Variants in MID2 observed in about 807,000 individuals in gnomAD.
MID2 encodes the protein midline 2, also known as probable E3 ubiquitin-protein ligase MID2.
A neutral mutation model predicts 46.1 loss-of-function variants in MID2; 13 were observed. That is an observed-to-expected ratio of 0.28 (90% confidence interval 0.18 to 0.45). MID2 has a LOEUF of 0.45. MID2 is among the 20% of genes least tolerant of loss of function. The pLI, the probability that MID2 is intolerant of heterozygous loss-of-function variation, is 1.00. For missense variants in MID2, 431 were observed against 575.4 expected (o/e 0.75, Z 2.57); for synonymous variants, 199 against 212.3 (o/e 0.94, Z 0.55).
chrX:107,886,183 A>G (rs1185048474), intron 3 of MID2, among the ~76,000 whole-genome samples: 1 of 112,016 alleles, frequency 8.9e-6, no homozygotes, highest in Non-Finnish European at 1.9e-5. Context: ...TGTTTTAGAC[A>G]TGAAGTCCTT....
At chrX:107,870,727 A>G in intron 3 of MID2, among the ~76,000 whole-genome samples, 1 of 106,530 alleles carries the variant, frequency 9.4e-6, no homozygotes, top group Middle Eastern at 4.8e-3. Context: ...CACGCCATGG[A>G]AATCAGCAAG....
chrX:107,922,990 A>G (rs1341498415), intron 7 of MID2, among the ~76,000 whole-genome samples: 1 of 111,735 alleles, frequency 8.9e-6, no homozygotes, highest in Non-Finnish European at 1.9e-5. Context: ...CTTTTAATCC[A>G]TATTGTCTTT....
intron 3 of MID2, among the ~76,000 whole-genome samples, chrX:107,891,097 C>T (rs746112124): frequency 1.2e-4 from 13 of 109,748 alleles, no homozygotes; most frequent in East Asian, 8.7e-4. Context: ...CTTCGGCTCA[C>T]GCTCGGTGCG....
intron 3 of MID2, among the ~76,000 whole-genome samples, chrX:107,878,808 C>T (rs1335517016): frequency 8.9e-6 from 1 of 112,407 alleles, no homozygotes; most frequent in Non-Finnish European, 1.9e-5. Flanking sequence ...AGTCTGAGGA[C>T]AAGAAAAGAC....
chrX:107,830,294 G>T (rs1931062278), intron 1 of MID2, among the ~76,000 whole-genome samples: 1 of 112,143 alleles, frequency 8.9e-6, no homozygotes, highest in African/African-American at 3.2e-5. Flanking sequence ...GGAAATACCT[G>T]CTTGGTCTTG....
chrX:107,840,844 C>G lies in MID2; in HGVS notation c.179C>G (p.Ser60Ter). ...AGCTGTGCCCATCGCATTTTGGTAT[C>G]AAGCTGCAGCTCTGGTGAATCCATT... ...CFSCAHRILV[S>*]SCSSGESIEP... is the part of the protein sequence containing the mutation. Residue 60 changes from serine to a stop codon, truncating the protein, a stop_gained, in exon 2 of 10, where the codon TCA becomes TGA. Coordinates refer to ENST00000262843, the MANE Select transcript of MID2 (RefSeq NM_012216.4). LOFTEE classifies it high-confidence loss of function. 8.3e-7 allele frequency: 1 copy of G among 1,211,835 alleles called. No individual in the cohort carries two copies.
chrX:107,903,237 C>G (rs766645710), intron 3 of MID2, among the ~76,000 whole-genome samples: 1 of 110,848 alleles, frequency 9.0e-6, no homozygotes, highest in Non-Finnish European at 1.9e-5. Context: ...TTTAGCCCCT[C>G]CTGGGGGCTC....
intron 5 of MID2, among the ~76,000 whole-genome samples, chrX:107,912,164 A>G (rs1161408810): frequency 2.7e-5 from 3 of 111,637 alleles, no homozygotes; most frequent in African/African-American, 9.8e-5. Flanking sequence ...CCACACATTC[A>G]TCCCTTTCTA....
chrX:107,918,880 C>T (rs1787146486), intron 7 of MID2, among the ~76,000 whole-genome samples: 1 of 112,242 alleles, frequency 8.9e-6, no homozygotes, highest in African/African-American at 3.2e-5. Flanking sequence ...TAAAGGTTGT[C>T]ACCTCTGTTT....
intron 2 of MID2, among the ~76,000 whole-genome samples, chrX:107,841,717 T>C (rs1046685746): frequency 1.8e-5 from 2 of 112,602 alleles, no homozygotes; most frequent in African/African-American, 6.5e-5. Context: ...CCACCTCTTC[T>C]TTTAAGTATG....
chrX:107,860,685 G>GA (rs933285201), intron 3 of MID2, among the ~76,000 whole-genome samples: 2 of 112,092 alleles, frequency 1.8e-5, no homozygotes, highest in Non-Finnish European at 1.9e-5. Context: ...TTCATTTGTG[G>GA]AAAAAAATCA....
chrX:107,925,382 A>G (rs1933153893), intron 8 of MID2, among the ~76,000 whole-genome samples: 1 of 112,045 alleles, frequency 8.9e-6, no homozygotes, highest in Non-Finnish European at 1.9e-5. Flanking sequence ...CTCTTGCCAC[A>G]CCCAGCAACT....
At chrX:107,853,548 C>T (rs902505892) in intron 2 of MID2, among the ~76,000 whole-genome samples, 5 of 111,423 alleles carry the variant, frequency 4.5e-5, no homozygotes, top group Admixed American at 2.9e-4. Flanking sequence ...GATCTGCCCA[C>T]CTCAGCCTCC....
intron 2 of MID2, among the ~76,000 whole-genome samples, chrX:107,852,195 C>T (rs1931643262): frequency 8.9e-6 from 1 of 112,001 alleles, no homozygotes; most frequent in Non-Finnish European, 1.9e-5. Context: ...TGCTCATGGT[C>T]TTATTTCTTT....
chrX:107,856,207 T>A (rs969906048), intron 3 of MID2, among the ~76,000 whole-genome samples: 1 of 112,000 alleles, frequency 8.9e-6, no homozygotes, highest in Non-Finnish European at 1.9e-5. Flanking sequence ...ATAAAGTATT[T>A]CAAAGTGGCT....
At chrX:107,856,820 G>A (rs762510802) in intron 3 of MID2, among the ~76,000 whole-genome samples, 7 of 112,608 alleles carry the variant, frequency 6.2e-5, no homozygotes, top group Non-Finnish European at 9.4e-5. Flanking sequence ...TGCAAATAGA[G>A]TAAGGGGAAA....
chrX:107,826,046 C>T lies in MID2; in HGVS notation c.-381C>T, dbSNP rs1224655881. The T allele has an allele frequency of 1.1e-4, 31 of 293,260 alleles. No individual in the cohort carries two copies. The East Asian group carries it at 1.3e-3, about 12-fold the overall frequency. The allele number at this position is 293,260 out of a possible 1,213,427, so 24.2% of individuals were successfully genotyped here. ...GCCCCGTTTGCCCCCACTCCGCCTC[C>T]CTTTTGGAAGGGATTGCCTTTTTTT... is the stretch of plus-strand genomic sequence containing the variant. On this transcript the variant is annotated 5_prime_UTR_variant, in exon 1 of 10. Coordinates refer to ENST00000262843, the MANE Select transcript of MID2 (RefSeq NM_012216.4).
Position 107,826,319 on chromosome X carries a change from C to A in MID2, c.-108C>A. ...ACAGTGGTAGCGGCGGCGGCGGCGACCGGGGCCCGGGAGCTCGCGCCGGAG... is the reference window on the plus strand; with the variant it reads ...ACAGTGGTAGCGGCGGCGGCGGCGAACGGGGCCCGGGAGCTCGCGCCGGAG... On this transcript the variant is annotated 5_prime_UTR_variant, in exon 1 of 10. Coordinates refer to ENST00000262843, the MANE Select transcript of MID2 (RefSeq NM_012216.4). 1 of 951,645 alleles carries A rather than the reference C, an allele frequency of 1.1e-6. No homozygotes were observed. The highest frequency in any genetic ancestry group is 1.4e-6 in the Non-Finnish European group (1 of 730,896). The allele number at this position is 951,645 out of a possible 1,213,427, so 78.4% of individuals were successfully genotyped here.
intron 1 of MID2, among the ~76,000 whole-genome samples, chrX:107,834,067 TA>T (rs1931150397): frequency 1.8e-5 from 2 of 111,865 alleles, no homozygotes; most frequent in South Asian, 7.5e-4. Context: ...GTGCTGGGAC[TA>T]CAGGTGTGAG....
Sources: gnomAD v4.1 joint callset for allele counts (sites outside exome capture counted in the v4.1 genomes callset) on GRCh38, gnomAD v4.1.1 for gene constraint, MANE v1.5 for transcripts, NCBI Gene and HGNC (gene_info 2026-07-23, HGNC 2026-07-21) for gene names.